The following RBM33 variants were observed in gnomAD, a reference collection of about 807,000 sequenced individuals.
RBM33 encodes the protein RNA binding motif protein 33.
Under a neutral mutation model 132.6 loss-of-function variants are expected in RBM33, and 28 were observed. That is an observed-to-expected ratio of 0.21 (90% CI 0.16 to 0.29). The LOEUF (loss-of-function observed/expected upper bound fraction) is 0.29. Among genes scored for constraint, RBM33 ranks in the 10% least tolerant of loss-of-function variants. The pLI is 1.00. For synonymous variants in RBM33, 634 were observed against 593.0 expected, an observed-to-expected ratio of 1.07 and a Z score of -1.01; for missense variants, 1,291 against 1,518.5, an observed-to-expected ratio of 0.85 and a Z score of 2.49.
rs1801354931 is a variant in RBM33, at chr7:155,741,979, T to C, written c.2210T>C (p.Ile737Thr). 1.9e-6 allele frequency: 3 copies of C among 1,613,680 alleles called. No homozygotes were observed. Among genetic ancestry groups the C allele is most frequent in the East Asian group, 2.2e-5 (1 of 44,880 alleles). The change falls in exon 13 of 18, where the codon ATC (isoleucine) becomes ACC (threonine). Residue 737 changes from isoleucine to threonine, a missense_variant. By Grantham distance (89) the Ile-to-Thr change is moderately conservative. Around this residue, in one of 7 missense-constraint regions of RBM33, gnomAD observed 841 missense variants for 912.0 expected, o/e 0.92. Transcript: ENST00000401878. ...ACGCCCTCAGCACAAGTGAAACCTA[T>C]CGTCAGCGCGTCACCACCCTCGCGG... ...SATPSAQVKPIVSASPPSRAV... is the reference protein window; with the variant it reads ...SATPSAQVKPTVSASPPSRAV...
chr7:155,736,028 C>A (rs1399499874), intron 9 of RBM33, among the ~76,000 whole-genome samples: 1 of 152,116 alleles, frequency 6.6e-6, no homozygotes, highest in African/African-American at 2.4e-5. Flanking sequence ...CAATAAGTGC[C>A]TAAAGTTTAT....
chr7:155,658,790 A>G (rs1490399912), intron 1 of RBM33, among the ~76,000 whole-genome samples: 1 of 152,224 alleles, frequency 6.6e-6, no homozygotes, highest in East Asian at 1.9e-4. Flanking sequence ...CCAGTGGAAC[A>G]ACTATTGACC....
chr7:155,652,542 A>C (rs766010392), intron 1 of RBM33, among the ~76,000 whole-genome samples: 7 of 152,220 alleles, frequency 4.6e-5, no homozygotes, highest in Non-Finnish European at 8.8e-5. Flanking sequence ...AAGAAGAAGA[A>C]ATAGAATGGT....
intron 5 of RBM33, among the ~76,000 whole-genome samples, chr7:155,695,108 G>A (rs1275511806): frequency 6.6e-6 from 1 of 152,072 alleles, no homozygotes; most frequent in Admixed American, 6.6e-5. Context: ...CGTGGTTTTA[G>A]TTTCCATTTG....
chr7:155,723,805 C>T (rs185529271), intron 9 of RBM33, among the ~76,000 whole-genome samples: 1 of 152,300 alleles, frequency 6.6e-6, no homozygotes, highest in East Asian at 1.9e-4. Context: ...TTTGTAAAAA[C>T]TGCTTTATAA....
chr7:155,670,452 A>G (rs1798914438), intron 2 of RBM33, among the ~76,000 whole-genome samples: 1 of 152,184 alleles, frequency 6.6e-6, no homozygotes, highest in African/African-American at 2.4e-5. Flanking sequence ...CCTTATGTGT[A>G]CATCCTTTGT....
At chr7:155,755,387 C>A (rs781035314) in intron 14 of RBM33, among the ~76,000 whole-genome samples, 5 of 152,250 alleles carry the variant, frequency 3.3e-5, no homozygotes, top group African/African-American at 4.8e-5. Context: ...CACCTGAAGA[C>A]ATGCAATTAA....
chr7:155,690,700 A>C lies in RBM33; in HGVS notation c.567+9792A>C, dbSNP rs545590037. 2.6e-5 allele frequency among the ~76,000 whole-genome samples: 4 copies of C among 152,284 alleles called. No individual in the cohort carries two copies. The East Asian group carries it at 7.7e-4, about 29-fold the overall frequency. ...TCTCTGAGCATTTGCTTGTCTGTAA[A>C]GAATTTTATTTCTCCTTCACTTATG... On this transcript the variant is annotated intron_variant, in intron 5 of 17. Transcript: ENST00000401878.
intron 4 of RBM33, 149 bp downstream of exon 4, chr7:155,678,833 G>A (rs750167915): frequency 1.1e-5 from 6 of 563,694 alleles, no homozygotes; most frequent in East Asian, 3.1e-5. Context: ...AGTAATAACT[G>A]TAGAAGCCAT....
chr7:155,683,376 A>G (rs1006128771), intron 5 of RBM33, among the ~76,000 whole-genome samples: 3 of 152,154 alleles, frequency 2.0e-5, no homozygotes, highest in Non-Finnish European at 4.4e-5. Flanking sequence ...GTGTACCCCA[A>G]TGGCATTTTA....
intron 3 of RBM33, 119 bp downstream of exon 3, chr7:155,673,034 T>C (rs1256528109): frequency 1.9e-6 from 1 of 540,234 alleles, no homozygotes; most frequent in Non-Finnish European, 3.1e-6. Context: ...ATTAAAATTT[T>C]GTAAACTGAA....
intron 9 of RBM33, among the ~76,000 whole-genome samples, chr7:155,723,463 A>G (rs1286759756): frequency 1.3e-5 from 2 of 152,254 alleles, no homozygotes; most frequent in East Asian, 3.8e-4. Flanking sequence ...TTTAAAATGC[A>G]CGTGACATAA....
intron 2 of RBM33, among the ~76,000 whole-genome samples, chr7:155,666,878 A>G (rs1798816057): frequency 6.6e-6 from 1 of 152,216 alleles, no homozygotes; most frequent in East Asian, 1.9e-4. Context: ...AGTCAGATGT[A>G]TAATCTTTTT....
intron 9 of RBM33, among the ~76,000 whole-genome samples, chr7:155,731,237 G>A (rs753572064): frequency 1.3e-5 from 2 of 152,170 alleles, no homozygotes; most frequent in Non-Finnish European, 2.9e-5. Flanking sequence ...TAGGAAAGAA[G>A]GTTTATAAAG....
Position 155,737,625 on chromosome 7 carries a change from A to T in RBM33, c.1356A>T (p.Pro452=). The T allele has an allele frequency of 6.5e-7, 1 of 1,547,688 alleles. No individual in the cohort carries two copies. Among genetic ancestry groups the T allele is most frequent in the East Asian group, 2.3e-5 (1 of 42,860 alleles). Residue 452 remains proline, a synonymous_variant, in exon 10 of 18, where the codon CCA becomes CCT. Coordinates refer to ENST00000401878, the MANE Select transcript of RBM33 (RefSeq NM_053043.3). ...CTCTCCAGGACCAGTGGAGAGCCCC[A>T]CCCCCGCCTCAGGATCGAGACCCTT... is the stretch of plus-strand genomic sequence containing the variant. ...RLPLQDQWRA[P]PPPQDRDPFF...
intron 11 of RBM33, 43 bp from the exon 12 acceptor site, chr7:155,739,672 A>G: frequency 6.7e-7 from 1 of 1,499,608 alleles, no homozygotes; most frequent in Non-Finnish European, 8.9e-7. Flanking sequence ...TGCCCGGTGT[A>G]ACCATTTATG....
intron 13 of RBM33, among the ~76,000 whole-genome samples, chr7:155,744,145 A>G (rs1226286368): frequency 6.6e-6 from 1 of 152,250 alleles, no homozygotes; most frequent in East Asian, 1.9e-4. Context: ...GGAAAGTAAG[A>G]TGGTGAAATA....
rs939115447 is a variant in RBM33, at chr7:155,653,504, G to A, written c.43+8585G>A. Among the ~76,000 whole-genome samples the A allele has an allele frequency of 2.0e-5, 3 of 151,942 alleles. 1 individual carries two copies. The highest frequency in any genetic ancestry group is 4.2e-4 in the South Asian group (2 of 4,802). The stretch of plus-strand genomic sequence containing the variant: ...GGTGGGGGCCCTAGATAGCTTTGGG[G>A]TGGGGGCTTGTCAGAAAAACTAACC... On this transcript the variant is annotated intron_variant, in intron 1 of 17. Transcript: ENST00000401878.
intron 1 of RBM33, among the ~76,000 whole-genome samples, chr7:155,663,641 A>G (rs1034140419): frequency 6.6e-6 from 1 of 152,170 alleles, no homozygotes; most frequent in African/African-American, 2.4e-5. Flanking sequence ...GCAGGGATGT[A>G]TATTCAAACT....
Sources: allele counts gnomAD v4.1 joint callset (sites outside exome capture counted in the v4.1 genomes callset), GRCh38; gene constraint gnomAD v4.1.1; regional missense constraint gnomAD v4.1.1; transcripts MANE v1.5; gene names NCBI Gene and HGNC (gene_info 2026-07-23, HGNC 2026-07-21).